The following DLGAP1 variants were observed in gnomAD, a reference collection of about 807,000 sequenced individuals.
DLGAP1 encodes the protein DLG associated protein 1, also known as disks large-associated protein 1.
DLGAP1 carries 11 observed loss-of-function variants against 90.8 expected under a neutral mutation model. The observed-to-expected ratio is 0.12, with a 90% confidence interval of 0.08 to 0.20. DLGAP1 has a LOEUF of 0.20. Among genes scored for constraint, DLGAP1 ranks in the 10% least tolerant of loss-of-function variants. The pLI, the probability that DLGAP1 is intolerant of heterozygous loss-of-function variation, is 1.00. For missense variants in DLGAP1, 1,050 were observed against 1,333.8 expected (o/e 0.79, Z 3.31); for synonymous variants, 558 against 540.7 (o/e 1.03, Z -0.44).
chr18:4,335,257 A>T (rs1169769339), intron 1 of DLGAP1, among the ~76,000 whole-genome samples: 4 of 151,980 alleles, frequency 2.6e-5, no homozygotes, highest in South Asian at 2.1e-4. Context: ...CCGAAGAATG[A>T]GCAGAAACAG....
chr18:4,290,820 C>G (rs889704868), intron 1 of DLGAP1, among the ~76,000 whole-genome samples: 8 of 151,896 alleles, frequency 5.3e-5, no homozygotes, highest in Admixed American at 3.9e-4. Flanking sequence ...AAAGAAAAAC[C>G]AAACCCACAT....
In DLGAP1 at chr18:4,182,611, T is replaced by C. The variant is rs188435671; in HGVS notation, c.-266-31324A>G. Among the ~76,000 whole-genome samples the C allele has an allele frequency of 2.5e-4, 38 of 152,308 alleles. No homozygotes were observed. The East Asian group carries it at 6.0e-3, about 24-fold the overall frequency. ...TTACTCATTCCCTAGGTATCTTCCA[T>C]GCGTGTATTAAATAAACATATTAAT... On this transcript the variant is annotated intron_variant, in intron 1 of 12. Transcript: ENST00000315677.
chr18:3,982,627 C>T (rs1211466978), intron 3 of DLGAP1, among the ~76,000 whole-genome samples: 2 of 152,078 alleles, frequency 1.3e-5, no homozygotes, highest in African/African-American at 4.8e-5. Context: ...ATGCCTGACA[C>T]ATGGTAAGCC....
chr18:3,522,956 C>T (rs2051310482), intron 10 of DLGAP1, among the ~76,000 whole-genome samples: 2 of 152,232 alleles, frequency 1.3e-5, no homozygotes, highest in Admixed American at 1.3e-4. Flanking sequence ...GGAAAGGTTC[C>T]TCAACATTAG....
intron 5 of DLGAP1, among the ~76,000 whole-genome samples, chr18:3,761,719 G>A (rs2147915442): frequency 6.6e-6 from 1 of 152,176 alleles, no homozygotes; most frequent in Non-Finnish European, 1.5e-5. Context: ...GGGAATATAG[G>A]CATGTGCCAC....
intron 3 of DLGAP1, among the ~76,000 whole-genome samples, chr18:3,997,803 T>C (rs1009911585): frequency 6.6e-6 from 1 of 152,162 alleles, no homozygotes; most frequent in Non-Finnish European, 1.5e-5. Context: ...AAAATTTAAG[T>C]CAATATTAAA....
At chr18:3,735,782 G>C (rs967456222) in intron 6 of DLGAP1, among the ~76,000 whole-genome samples, 16 of 152,080 alleles carry the variant, frequency 1.1e-4, no homozygotes, top group African/African-American at 3.6e-4. Flanking sequence ...TCTTTCTACT[G>C]TTAATACTAC....
At chr18:4,212,991 T>G (rs1183852033) in intron 1 of DLGAP1, among the ~76,000 whole-genome samples, 3 of 152,188 alleles carry the variant, frequency 2.0e-5, no homozygotes, top group African/African-American at 4.8e-5. Flanking sequence ...TTTACATCAT[T>G]TCATAAGGTA....
intron 4 of DLGAP1, among the ~76,000 whole-genome samples, chr18:3,820,013 TGCC>T (rs1400564767): frequency 6.6e-6 from 1 of 152,228 alleles, no homozygotes; most frequent in Non-Finnish European, 1.5e-5. Context: ...CTAGCTTGAG[TGCC>T]CCACTTTGGC....
intron 1 of DLGAP1, among the ~76,000 whole-genome samples, chr18:4,251,046 C>G (rs1361993587): frequency 6.6e-6 from 1 of 152,026 alleles, no homozygotes. Context: ...CAGGAAACAG[C>G]GTTAAACTGG....
In DLGAP1 at chr18:3,498,391, T is replaced by C. The variant is rs1258590723; in HGVS notation, c.*794A>G. The C allele has an allele frequency of 6.6e-6, 1 of 152,224 alleles. No homozygotes were observed. Among genetic ancestry groups the C allele is most frequent in the Non-Finnish European group, 1.5e-5 (1 of 68,036 alleles). 9.4% of individuals were successfully genotyped at this position (152,224 alleles called of 1,614,324 possible). On this transcript the variant is annotated 3_prime_UTR_variant, in exon 13 of 13. Coordinates refer to ENST00000315677, the MANE Select transcript of DLGAP1 (RefSeq NM_004746.4). The stretch of plus-strand genomic sequence containing the variant: ...TGTAGTATACTAAACCATCAGTGCC[T>C]CCTTTGCCTTGCTTCATGTTATTGC...
Position 4,151,279 on chromosome 18 carries a change from T to G in DLGAP1, c.-258A>C, listed in dbSNP as rs543836701. 1 of 152,262 alleles carries G rather than the reference T, an allele frequency of 6.6e-6. No homozygotes were observed. Among genetic ancestry groups the G allele is most frequent in the East Asian group, 1.9e-4 (1 of 5,184 alleles). The allele number at this position is 152,262 out of a possible 1,614,324, so 9.4% of individuals were successfully genotyped here. A position where few individuals can be genotyped will look rare whatever the true frequency, so the allele number is the denominator to read the frequency against. On this transcript the variant is annotated 5_prime_UTR_variant, in exon 2 of 13. Coordinates refer to ENST00000315677, the MANE Select transcript of DLGAP1 (RefSeq NM_004746.4). Reference sequence around the variant, plus strand: ...TGATGTCACTCTGGGTATCTGATGTTCAACTGCTCTGAAACATAACAATGC... The same window carrying G: ...TGATGTCACTCTGGGTATCTGATGTGCAACTGCTCTGAAACATAACAATGC...
chr18:4,434,963 T>C (rs1179760109), intron 1 of DLGAP1, among the ~76,000 whole-genome samples: 1 of 152,180 alleles, frequency 6.6e-6, no homozygotes, highest in African/African-American at 2.4e-5. Context: ...GCTGGAAAAT[T>C]ATACTTGACC....
intron 3 of DLGAP1, among the ~76,000 whole-genome samples, chr18:3,893,886 T>G (rs560184566): frequency 6.6e-6 from 1 of 152,288 alleles, no homozygotes; most frequent in East Asian, 1.9e-4. Context: ...CGTCTGTTAT[T>G]TTTTGATTTT....
intron 1 of DLGAP1, among the ~76,000 whole-genome samples, chr18:4,310,168 G>A (rs547752597): frequency 3.3e-5 from 5 of 152,270 alleles, no homozygotes; most frequent in Admixed American, 2.0e-4. Flanking sequence ...GGATTTGGTT[G>A]GGTTAGAATC....
chr18:3,719,468 A>G (rs1242165689), intron 7 of DLGAP1, among the ~76,000 whole-genome samples: 1 of 150,864 alleles, frequency 6.6e-6, no homozygotes, highest in East Asian at 2.0e-4. Context: ...GAGGCAGGAG[A>G]ATGGCATGAA....
intron 4 of DLGAP1, among the ~76,000 whole-genome samples, chr18:3,868,718 G>A (rs773513305): frequency 6.6e-6 from 1 of 152,180 alleles, no homozygotes; most frequent in African/African-American, 2.4e-5. Flanking sequence ...AGAAGCAGGC[G>A]AGGTAGAATT....
chr18:3,773,225 G>A (rs543476038), intron 5 of DLGAP1, among the ~76,000 whole-genome samples: 14 of 152,174 alleles, frequency 9.2e-5, no homozygotes, highest in African/African-American at 2.6e-4. Flanking sequence ...CTCACTCACC[G>A]ATAACACACT....
chr18:4,219,324 G>T (rs1435055960), intron 1 of DLGAP1, among the ~76,000 whole-genome samples: 1 of 151,600 alleles, frequency 6.6e-6, no homozygotes, highest in Non-Finnish European at 1.5e-5. Flanking sequence ...TTTGGACTGG[G>T]TTATTTGTTT....
Sources: allele counts gnomAD v4.1 joint callset (sites outside exome capture counted in the v4.1 genomes callset), GRCh38; gene constraint gnomAD v4.1.1; transcripts MANE v1.5; gene names NCBI Gene and HGNC (gene_info 2026-07-23, HGNC 2026-07-21).